The following CRIP2 variants were observed in gnomAD, a reference collection of about 807,000 sequenced individuals.
CRIP2 encodes the protein cysteine-rich protein 2.
CRIP2 carries 31 observed loss-of-function variants against 31.3 expected under a neutral mutation model. The observed-to-expected ratio is 0.99, with a 90% CI of 0.74 to 1.34. The LOEUF is 1.34. Among genes scored for constraint, CRIP2 ranks in the 40% most tolerant of loss-of-function variants. CRIP2 has a pLI of 0.00. For synonymous variants in CRIP2, 177 were observed against 127.2 expected (o/e 1.39, Z -2.63); for missense variants, 389 against 301.6 (o/e 1.29, Z -2.15).
upstream of CRIP2, chr14:105,473,459 G>A (rs745878168): frequency 2.1e-5 from 33 of 1,535,586 alleles, no homozygotes; most frequent in Admixed American, 4.7e-4. Context: ...CAGGAGCACC[G>A]AGGGCCTCTG....
In CRIP2 at chr14:105,479,512, G is replaced by A. The variant is rs1555436887; in HGVS notation, c.559+19G>A. ...CCCAAGGGTGAGTGTAGCCAGGGTG[G>A]TCCACGATGTCTTCCCTGCCCTCCC... On this transcript the variant is annotated intron_variant, in intron 7 of 7. Transcript: ENST00000329146. 3 of 1,612,816 alleles carry A rather than the reference G, an allele frequency of 1.9e-6. No homozygotes were observed. Among genetic ancestry groups the A allele is most frequent in the Non-Finnish European group, 2.5e-6 (3 of 1,179,946 alleles).
chr14:105,479,954 G>T lies in CRIP2; in HGVS notation c.*301G>T. 6.8e-6 allele frequency: 3 copies of T among 441,996 alleles called. No individual in the cohort carries two copies. The highest frequency in any genetic ancestry group is 4.2e-6 in the Non-Finnish European group (1 of 240,050). 27.4% of individuals were successfully genotyped at this position (441,996 alleles called of 1,614,324 possible). On this transcript the variant is annotated 3_prime_UTR_variant, in exon 8 of 8. Coordinates refer to ENST00000329146, the MANE Select transcript of CRIP2 (RefSeq NM_001312.4). ...CCTGCGTGTCCCCGTGGCGCTGTCC[G>T]CTCTCCCTCTCCTGCTGCCCACCCA... is the stretch of plus-strand genomic sequence containing the variant.
intron 6 of CRIP2, 25 bp from the exon 7 acceptor site, chr14:105,479,411 C>T (rs200862313): frequency 3.5e-5 from 56 of 1,612,524 alleles, no homozygotes; most frequent in Non-Finnish European, 4.0e-5. Context: ...TGGACTCCTC[C>T]CTCAGCACCC....
Position 105,478,671 on chromosome 14 carries a change from A to C in CRIP2, c.197-60A>C. ...AGTCCCCAGCGGGCCGTTTTCTGAG[A>C]TGCCCGGTGGCCGCGGCCCCCACCC... is the stretch of plus-strand genomic sequence containing the variant. On this transcript the variant is annotated intron_variant, in intron 3 of 7. Transcript: ENST00000329146. The surrounding 1 kb of genome is among the most constrained non-coding windows in gnomAD (Gnocchi z 4.9). 2 of 1,453,950 alleles carry C rather than the reference A, an allele frequency of 1.4e-6. No individual in the cohort carries two copies. Among genetic ancestry groups the C allele is most frequent in the East Asian group, 2.5e-5 (1 of 39,412 alleles). 90.1% of individuals were successfully genotyped at this position (1,453,950 alleles called of 1,614,324 possible).
chr14:105,474,730 C>T (rs1301761933), upstream of CRIP2: 1 of 1,020,040 alleles, frequency 9.8e-7, no homozygotes, highest in Non-Finnish European at 1.2e-6. The surrounding 1 kb of genome is among the most constrained non-coding windows in gnomAD (Gnocchi z 5.1). Flanking sequence ...GCCCGGGGGA[C>T]GGGTTATCGA....
At chr14:105,475,866 C>T (rs2083921190) in intron 1 of CRIP2, 1 of 985,530 alleles carries the variant, frequency 1.0e-6, no homozygotes, top group Non-Finnish European at 1.2e-6. Flanking sequence ...CTTAGTGAAG[C>T]AGAGAGGAGG....
At position 105,478,282 on chromosome 14, in the gene CRIP2, C is replaced by T; in HGVS notation, c.60C>T (p.Ser20=). The change falls in exon 2 of 8, where the codon TCC becomes TCT. Residue 20 remains serine (S), a synonymous_variant. Coordinates refer to ENST00000329146, the MANE Select transcript of CRIP2 (RefSeq NM_001312.4). The surrounding 1 kb of genome is among the most constrained non-coding windows in gnomAD (Gnocchi z 4.9). The stretch of plus-strand genomic sequence containing the variant: ...CCCGCTCAGCCGAGAAGGTGAGCTC[C>T]CTGGGGAAGGACTGGCACAAGTTCT... The part of the protein sequence containing the change: ...KTVYFAEKVS[S]LGKDWHKFCL... 3.2e-6 allele frequency: 5 copies of T among 1,565,426 alleles called. No homozygotes were observed. Among genetic ancestry groups the T allele is most frequent in the Middle Eastern group, 1.7e-4 (1 of 5,756 alleles).
chr14:105,478,398 C>T lies in CRIP2; in HGVS notation c.138+38C>T, dbSNP rs782628981. 4 of 1,571,608 alleles carry T rather than the reference C, an allele frequency of 2.5e-6. No individual in the cohort carries two copies. Among genetic ancestry groups the T allele is most frequent in the Admixed American group, 1.8e-5 (1 of 54,956 alleles). On this transcript the variant is annotated intron_variant, in intron 2 of 7. Transcript: ENST00000329146. This position sits in a 1 kb window ranked among gnomAD's most constrained non-coding sequence, Gnocchi z 4.9. ...GCGCGGCGCGGGCGGGGGCGGGGGTCGCGACTCCCGCCACCCTCAGGCAGG... is the reference window on the plus strand; with the variant it reads ...GCGCGGCGCGGGCGGGGGCGGGGGTTGCGACTCCCGCCACCCTCAGGCAGG...
rs2084016741 is a variant in CRIP2 at position 105,478,874 on chromosome 14, G to A, written c.337+3G>A. The A allele has an allele frequency of 2.1e-6, 3 of 1,440,928 alleles. No homozygotes were observed. The highest frequency in any genetic ancestry group is 2.7e-6 in the Non-Finnish European group (3 of 1,108,170). The allele number at this position is 1,440,928 out of a possible 1,614,324, so 89.3% of individuals were successfully genotyped here. A position where few individuals can be genotyped will look rare whatever the true frequency, so the allele number is the denominator to read the frequency against. ...CCCCCCGAAGGGGCCCAGCAGAGGT[G>A]GGCTGGGCGCGGGCTGGGGCTGGGG... On this transcript the variant is annotated splice_donor_region_variant and intron_variant, in intron 4 of 7. Coordinates refer to ENST00000329146, the MANE Select transcript of CRIP2 (RefSeq NM_001312.4). This position sits in a 1 kb window ranked among gnomAD's most constrained non-coding sequence, Gnocchi z 4.9.
In CRIP2 at chr14:105,476,205, G is replaced by C. The variant is rs1465482109; in HGVS notation, c.43+1300G>C. ...ACTGCCCATGACTTTACCCCAGGCC[G>C]GGCCAGGCCAGCCTGGGGCTCTCCA... On this transcript the variant is annotated intron_variant, in intron 1 of 7. Coordinates refer to ENST00000329146, the MANE Select transcript of CRIP2 (RefSeq NM_001312.4). The C allele has an allele frequency of 4.1e-6, 4 of 985,428 alleles. No individual in the cohort carries two copies. In the African/African-American group the frequency reaches 7.0e-5, roughly 17 times the overall value. The allele number at this position is 985,428 out of a possible 1,614,324, so 61.0% of individuals were successfully genotyped here. A position where few individuals can be genotyped will look rare whatever the true frequency, so the allele number is the denominator to read the frequency against.
At position 105,479,498 on chromosome 14, in the gene CRIP2, G is replaced by T. The variant is rs1555436883; in HGVS notation, c.559+5G>T. On this transcript the variant is annotated splice_donor_5th_base_variant and intron_variant, in intron 7 of 7. Transcript: ENST00000329146. ...GAATCCTCTTCGGACCCAAGGGTGAGTGTAGCCAGGGTGGTCCACGATGTC... is the reference window on the plus strand; with the variant it reads ...GAATCCTCTTCGGACCCAAGGGTGATTGTAGCCAGGGTGGTCCACGATGTC... The T allele has an allele frequency of 1.2e-6, 2 of 1,612,982 alleles. No homozygotes were observed. Among genetic ancestry groups the T allele is most frequent in the African/African-American group, 1.3e-5 (1 of 75,046 alleles).
rs782437580 is a variant in CRIP2, at chr14:105,479,631, C to G, written c.605C>G (p.Pro202Arg). Reference protein sequence around the residue: ...AVGSYIYDRDPEGKVQP With the variant: ...AVGSYIYDRDREGKVQP The stretch of plus-strand genomic sequence containing the variant: ...GGCAGCTACATCTATGACCGGGACC[C>G]CGAAGGCAAGGTCCAGCCCTAGGCT... Residue 202 changes from proline (P) to arginine (R), a missense_variant, in exon 8 of 8, where the codon CCC (proline) becomes CGC (arginine). Transcript: ENST00000329146. The G allele has an allele frequency of 6.2e-7, 1 of 1,612,700 alleles. No homozygotes were observed. Among genetic ancestry groups the G allele is most frequent in the Non-Finnish European group, 8.5e-7 (1 of 1,179,912 alleles).
At position 105,478,177 on chromosome 14, in the gene CRIP2, A is replaced by C; in HGVS notation, c.44-89A>C. 12 of 1,027,032 alleles carry C rather than the reference A, an allele frequency of 1.2e-5. No individual in the cohort carries two copies. The highest frequency in any genetic ancestry group is 1.6e-5 in the Non-Finnish European group (12 of 741,202). 63.6% of individuals were successfully genotyped at this position (1,027,032 alleles called of 1,614,324 possible). A position where few individuals can be genotyped will look rare whatever the true frequency, so the allele number is the denominator to read the frequency against. Reference sequence around the variant, plus strand: ...ACCTCCTGAAAGTGGGGACCCCCGGAGCGCGTGGGGGTGGTGGCTGCCAGG... The same window carrying C: ...ACCTCCTGAAAGTGGGGACCCCCGGCGCGCGTGGGGGTGGTGGCTGCCAGG... On this transcript the variant is annotated intron_variant, in intron 1 of 7. Transcript: ENST00000329146. This position sits in a 1 kb window ranked among gnomAD's most constrained non-coding sequence, Gnocchi z 4.9.
Position 105,474,861 on chromosome 14 carries a change from C to A in CRIP2, c.-2C>A. The A allele has an allele frequency of 6.6e-7, 1 of 1,504,484 alleles. No individual in the cohort carries two copies. Among genetic ancestry groups the A allele is most frequent in the Non-Finnish European group, 8.9e-7 (1 of 1,124,954 alleles). The allele number at this position is 1,504,484 out of a possible 1,614,324, so 93.2% of individuals were successfully genotyped here. ...GGCGCGGGCCGACCGGGCGCACCGA[C>A]CATGGCCTCCAAATGCCCCAAGTGC... On this transcript the variant is annotated 5_prime_UTR_variant, in exon 1 of 8. Coordinates refer to ENST00000329146, the MANE Select transcript of CRIP2 (RefSeq NM_001312.4). The surrounding 1 kb of genome is among the most constrained non-coding windows in gnomAD (Gnocchi z 5.1).
rs1190986713 is a variant in CRIP2 at position 105,476,572 on chromosome 14, A to C, written c.43+1667A>C. ...GTAATGTGTGGCCATTGACCCACCCAGTGGGTCTGAGGGCCAGTTCCCTGC... is the reference window on the plus strand; with the variant it reads ...GTAATGTGTGGCCATTGACCCACCCCGTGGGTCTGAGGGCCAGTTCCCTGC... On this transcript the variant is annotated intron_variant, in intron 1 of 7. Transcript: ENST00000329146. The C allele has an allele frequency of 7.1e-6, 7 of 985,312 alleles. No individual in the cohort carries two copies. In the African/African-American group the frequency reaches 1.2e-4, roughly 17 times the overall value. The allele number at this position is 985,312 out of a possible 1,614,324, so 61.0% of individuals were successfully genotyped here.
At chr14:105,473,129 T>C, upstream of CRIP2, 1 of 1,238,650 alleles carries the variant, frequency 8.1e-7, no homozygotes, top group East Asian at 2.5e-5. Context: ...GGCAGGGAGC[T>C]GGAGAGGGTT....
At chr14:105,475,155 GC>G (rs1413226930) in intron 1 of CRIP2, among the ~76,000 whole-genome samples, 2 of 151,992 alleles carry the variant, frequency 1.3e-5, no homozygotes, top group African/African-American at 4.8e-5. Context: ...GACCACCCGG[GC>G]GGGGCTTGTG....
rs587689962 is a variant in CRIP2, at chr14:105,478,335, C to T, written c.113C>T (p.Thr38Met). The change falls in exon 2 of 8, where the codon ACG becomes ATG. Residue 38 changes from threonine (T) to methionine (M), a missense_variant. Coordinates refer to ENST00000329146, the MANE Select transcript of CRIP2 (RefSeq NM_001312.4). The surrounding 1 kb of genome is among the most constrained non-coding windows in gnomAD (Gnocchi z 4.9). Reference protein sequence around the residue: ...FCLKCERCSKTLTPGGHAEHD... With the variant: ...FCLKCERCSKMLTPGGHAEHD... ...CTCAAGTGCGAGCGCTGCAGCAAGACGCTGACGCCCGGGGGCCACGCCGAG... is the reference window on the plus strand; with the variant it reads ...CTCAAGTGCGAGCGCTGCAGCAAGATGCTGACGCCCGGGGGCCACGCCGAG... 135 of 1,562,754 alleles carry T rather than the reference C, an allele frequency of 8.6e-5. No homozygotes were observed. Among genetic ancestry groups the T allele is most frequent in the Non-Finnish European group, 9.0e-5 (104 of 1,157,612 alleles).
intron 1 of CRIP2, among the ~76,000 whole-genome samples, chr14:105,477,954 G>C (rs1343524348): frequency 1.4e-5 from 2 of 139,944 alleles, no homozygotes; most frequent in Admixed American, 7.0e-5. Context: ...GGGCAGGCTC[G>C]AGCACAGGCC....
Sources: gnomAD v4.1 joint callset for allele counts (sites outside exome capture counted in the v4.1 genomes callset) on GRCh38, gnomAD v4.1.1 for gene constraint, Gnocchi (gnomAD v3.1) non-coding constraint, MANE v1.5 for transcripts, NCBI Gene and HGNC (gene_info 2026-07-23, HGNC 2026-07-21) for gene names.